LRRC74A: variants seen among roughly 807,000 people sequenced by gnomAD.
The protein encoded by LRRC74A is leucine rich repeat containing 74A, also known as leucine-rich repeat-containing protein 74A.
Under a neutral mutation model 57.9 loss-of-function variants are expected in LRRC74A, and 44 were observed. That is an observed-to-expected ratio of 0.76 (90% CI 0.60 to 0.98). The LOEUF is 0.98. LRRC74A is among the 50% of genes least tolerant of loss of function. The pLI is 0.00. For missense variants in LRRC74A, 572 were observed against 574.0 expected (o/e 1.00, Z 0.04); for synonymous variants, 211 against 219.4 (o/e 0.96, Z 0.34).
Position 76,828,322 on chromosome 14 carries a change from C to T in LRRC74A, c.69C>T (p.Ser23=), listed in dbSNP as rs1004762428. ...DEIEIEPVRQ[S]SDKMLYCEAE... ...TTGAAATTGAGCCAGTACGACAGAG[C>T]AGCGATAAAATGCTCTACTGTGAGG... is the stretch of plus-strand genomic sequence containing the variant. Residue 23 remains serine (S), a synonymous_variant, in exon 2 of 14, where the codon AGC becomes AGT. Coordinates refer to ENST00000689127, the MANE Select transcript of LRRC74A (RefSeq NM_001385106.1). The T allele has an allele frequency of 1.9e-6, 3 of 1,608,500 alleles. No homozygotes were observed. Among genetic ancestry groups the T allele is most frequent in the East Asian group, 2.2e-5 (1 of 44,722 alleles).
intron 9 of LRRC74A, 109 bp downstream of exon 9, chr14:76,853,519 A>T: frequency 9.5e-7 from 1 of 1,049,910 alleles, no homozygotes; most frequent in Non-Finnish European, 1.4e-6. Context: ...AATAATTGGG[A>T]ATATCTGTAC....
At chr14:76,855,126 C>T (rs1897790278) in intron 9 of LRRC74A, among the ~76,000 whole-genome samples, 1 of 152,164 alleles carries the variant, frequency 6.6e-6, no homozygotes, top group Non-Finnish European at 1.5e-5. Flanking sequence ...GAGAGGACAA[C>T]CATGAGGAGC....
At chr14:76,831,656 C>A (rs902098065) in intron 3 of LRRC74A, among the ~76,000 whole-genome samples, 2 of 152,164 alleles carry the variant, frequency 1.3e-5, no homozygotes, top group Non-Finnish European at 2.9e-5. Context: ...AGCAAAGGCA[C>A]CAGCCCCTGG....
chr14:76,857,785 C>T (rs1212923582), intron 10 of LRRC74A, among the ~76,000 whole-genome samples: 6 of 152,210 alleles, frequency 3.9e-5, no homozygotes, highest in Non-Finnish European at 8.8e-5. Context: ...AAACAGAATT[C>T]TTTAACATCA....
chr14:76,841,212 T>C (rs994628612), intron 5 of LRRC74A, among the ~76,000 whole-genome samples: 2 of 152,058 alleles, frequency 1.3e-5, no homozygotes, highest in African/African-American at 4.8e-5. Flanking sequence ...CAGCTAATTT[T>C]TGTATTTTTA....
chr14:76,837,091 G>A (rs562224454), intron 4 of LRRC74A, among the ~76,000 whole-genome samples: 13 of 152,198 alleles, frequency 8.5e-5, no homozygotes, highest in African/African-American at 2.6e-4. Context: ...GCAGTTAGCC[G>A]AGATGACGCC....
chr14:76,840,584 C>CTTTTTTT (rs34388699), intron 5 of LRRC74A, among the ~76,000 whole-genome samples: 3 of 130,074 alleles, frequency 2.3e-5, no homozygotes, highest in East Asian at 2.1e-4. Flanking sequence ...TTATGTATTT[C>CTTTTTTT]TTTTTTTTTT....
intron 6 of LRRC74A, 85 bp downstream of exon 6, chr14:76,844,557 C>A (rs926894786): frequency 2.2e-6 from 3 of 1,352,300 alleles, no homozygotes; most frequent in Non-Finnish European, 2.1e-6. Flanking sequence ...GGCACAGTAA[C>A]GTGAGGCTAC....
intron 8 of LRRC74A, among the ~76,000 whole-genome samples, chr14:76,852,939 T>A (rs1897612964): frequency 6.6e-6 from 1 of 152,128 alleles, no homozygotes; most frequent in African/African-American, 2.4e-5. Flanking sequence ...TTTAGTATAA[T>A]CGTATCTGCT....
intron 12 of LRRC74A, among the ~76,000 whole-genome samples, chr14:76,867,007 G>T (rs1312718071): frequency 1.1e-4 from 5 of 46,190 alleles, no homozygotes; most frequent in African/African-American, 1.1e-4. Flanking sequence ...TGGTAGTGTG[G>T]GGGGGTGTGT....
chr14:76,847,685 A>G (rs575267064), intron 7 of LRRC74A, among the ~76,000 whole-genome samples: 1 of 147,694 alleles, frequency 6.8e-6, no homozygotes, highest in Admixed American at 6.7e-5. Context: ...TGAACTTAAA[A>G]TTTAAAAAAA....
intron 4 of LRRC74A, 36 bp from the exon 5 acceptor site, chr14:76,837,839 C>A: frequency 7.4e-7 from 1 of 1,351,764 alleles, no homozygotes; most frequent in Non-Finnish European, 1.0e-6. Context: ...CTTTGGTGAG[C>A]TTTTTTACAT....
rs377461353 is a variant in LRRC74A at position 76,831,369 on chromosome 14, C to T, written c.333C>T (p.Ala111=). The T allele has an allele frequency of 1.2e-6, 2 of 1,612,906 alleles. No individual in the cohort carries two copies. Among genetic ancestry groups the T allele is most frequent in the African/African-American group, 2.7e-5 (2 of 74,886 alleles). Residue 111 remains alanine, a synonymous_variant, in exon 3 of 14, where the codon GCC becomes GCT. Coordinates refer to ENST00000689127, the MANE Select transcript of LRRC74A (RefSeq NM_001385106.1). ...GGGGTACCAAGGCTATTGCTATAGC[C>T]CTGGTGGTGAGCATGCTAGTGGGAG... ...GPRGTKAIAI[A]LVSNMAVTKL...
chr14:76,858,508 C>T (rs1013989841), intron 10 of LRRC74A, among the ~76,000 whole-genome samples: 5 of 152,168 alleles, frequency 3.3e-5, no homozygotes, highest in African/African-American at 9.7e-5. Flanking sequence ...TTCACATTCA[C>T]GGGTCCTAGG....
intron 10 of LRRC74A, among the ~76,000 whole-genome samples, chr14:76,858,698 G>A (rs909672892): frequency 5.9e-5 from 9 of 152,102 alleles, no homozygotes; most frequent in African/African-American, 1.7e-4. Flanking sequence ...AAGCAGTTCT[G>A]TGCCTCAGCC....
intron 6 of LRRC74A, 130 bp from the exon 7 acceptor site, chr14:76,844,690 A>G: frequency 1.4e-6 from 1 of 693,914 alleles, no homozygotes; most frequent in East Asian, 2.7e-5. Flanking sequence ...CCAACAAAAA[A>G]TGCCTAAGAC....
At chr14:76,866,950 GTGTGTGTGTGT>G (rs1898867312) in intron 12 of LRRC74A, among the ~76,000 whole-genome samples, 1 of 846 alleles carries the variant, frequency 1.2e-3, no homozygotes, top group Non-Finnish European at 2.5e-3. Flanking sequence ...GGTGTGTGGG[GTGTGTGTGTGT>G]GTGTGTGTGT....
chr14:76,834,281 A>G (rs1211475233), intron 3 of LRRC74A, among the ~76,000 whole-genome samples: 3 of 152,230 alleles, frequency 2.0e-5, no homozygotes, highest in Admixed American at 6.5e-5. Context: ...GGAACGCACC[A>G]TTACCTCATG....
intron 8 of LRRC74A, 51 bp downstream of exon 8, chr14:76,852,501 G>A (rs1897572359): frequency 7.1e-7 from 1 of 1,406,884 alleles, no homozygotes; most frequent in Non-Finnish European, 9.8e-7. Flanking sequence ...GGACAGCCAG[G>A]GCCTCCCATC....
Sources: allele counts gnomAD v4.1 joint callset (sites outside exome capture counted in the v4.1 genomes callset), GRCh38; gene constraint gnomAD v4.1.1; transcripts MANE v1.5; gene names NCBI Gene and HGNC (gene_info 2026-07-23, HGNC 2026-07-21).